The following EIF4G3 variants were observed in gnomAD, a reference collection of about 807,000 sequenced individuals.
The protein encoded by EIF4G3 is eIF-4-gamma 3.
In EIF4G3, 34 loss-of-function variants were observed where a neutral mutation model predicts 186.4. The ratio of observed to expected loss-of-function variants is 0.18; its 90% CI spans 0.14 to 0.24. EIF4G3 has a LOEUF of 0.24. Among genes scored for constraint, EIF4G3 ranks in the 10% least tolerant of loss-of-function variants. The probability of loss-of-function intolerance (pLI) is 1.00; values close to 1 mark genes in which losing one functional copy is unlikely to be tolerated. For missense variants in EIF4G3, 1,536 were observed against 1,948.5 expected (o/e 0.79, Z 3.99); for synonymous variants, 673 against 679.5 (o/e 0.99, Z 0.15).
intron 4 of EIF4G3, among the ~76,000 whole-genome samples, chr1:21,024,168 G>C (rs919541038): frequency 1.4e-5 from 1 of 70,646 alleles, no homozygotes; most frequent in Non-Finnish European, 4.2e-5. Flanking sequence ...GAGGGAGGTG[G>C]GGGGGGGTCA....
chr1:20,935,083 T>G (rs1287502846), intron 14 of EIF4G3, among the ~76,000 whole-genome samples: 2 of 152,166 alleles, frequency 1.3e-5, no homozygotes, highest in Non-Finnish European at 2.9e-5. Context: ...GCTTTCATGT[T>G]TCACTATGAA....
intron 34 of EIF4G3, among the ~76,000 whole-genome samples, chr1:20,816,131 C>T (rs2060737920): frequency 7.4e-6 from 1 of 135,850 alleles, no homozygotes. Context: ...GCCAGCCGCC[C>T]CGTCCGGGAG....
chr1:20,846,329 G>C (rs2071005611), intron 29 of EIF4G3, among the ~76,000 whole-genome samples: 1 of 152,134 alleles, frequency 6.6e-6, no homozygotes, highest in Admixed American at 6.5e-5. Context: ...AATAGGAGTG[G>C]TGAGAGAGGA....
intron 6 of EIF4G3, among the ~76,000 whole-genome samples, chr1:20,997,917 T>TA (rs71714195): frequency 0.013 from 1,787 of 138,054 alleles, 17 homozygotes; most frequent in African/African-American, 0.019. Context: ...TAGGATTATT[T>TA]AAAAAAAAAA....
At chr1:21,162,637 G>A (rs2097785887) in intron 2 of EIF4G3, among the ~76,000 whole-genome samples, 1 of 152,002 alleles carries the variant, frequency 6.6e-6, no homozygotes, top group Admixed American at 6.6e-5. Context: ...CAGCTACTCT[G>A]TAGGCTGAGG....
intron 7 of EIF4G3, among the ~76,000 whole-genome samples, chr1:20,983,950 T>C (rs897808233): frequency 5.3e-5 from 8 of 152,234 alleles, no homozygotes; most frequent in Non-Finnish European, 8.8e-5. Context: ...AATATTTTCT[T>C]ACCACTATTT....
intron 9 of EIF4G3, among the ~76,000 whole-genome samples, chr1:20,980,809 G>A (rs553480333): frequency 3.8e-4 from 58 of 152,156 alleles, no homozygotes; most frequent in Non-Finnish European, 7.5e-4. Context: ...CAAAGGGATG[G>A]GAGAAAGCAA....
chr1:20,963,679 C>G (rs996668444), intron 12 of EIF4G3, among the ~76,000 whole-genome samples: 3 of 152,074 alleles, frequency 2.0e-5, no homozygotes, highest in Non-Finnish European at 4.4e-5. Context: ...TTTGGCCGGG[C>G]ATGGTGGCTC....
At chr1:21,029,634 A>T (rs1571322304) in intron 4 of EIF4G3, among the ~76,000 whole-genome samples, 1 of 152,090 alleles carries the variant, frequency 6.6e-6, no homozygotes, top group East Asian at 2.0e-4. Flanking sequence ...TGATTTTTTT[A>T]AAACAAAGAG....
At chr1:20,999,638 C>A in intron 6 of EIF4G3, 1 of 397,570 alleles carries the variant, frequency 2.5e-6, no homozygotes, top group Non-Finnish European at 4.8e-6. Flanking sequence ...TATATAAAAA[C>A]AAAAGCGAAA....
intron 5 of EIF4G3, among the ~76,000 whole-genome samples, 183 bp from the exon 6 acceptor site, chr1:21,001,495 G>A (rs1402244768): frequency 6.6e-6 from 1 of 152,156 alleles, no homozygotes; most frequent in Admixed American, 6.5e-5. Flanking sequence ...TTAATTATTA[G>A]AACCAGGGCC....
chr1:20,844,031 C>T (rs1039431949), intron 29 of EIF4G3, among the ~76,000 whole-genome samples: 2 of 152,094 alleles, frequency 1.3e-5, no homozygotes, highest in African/African-American at 2.4e-5. Flanking sequence ...GTCTATGTAC[C>T]GCATTTTCTT....
intron 4 of EIF4G3, among the ~76,000 whole-genome samples, chr1:21,014,467 C>T (rs2088234625): frequency 6.6e-6 from 1 of 152,078 alleles, no homozygotes; most frequent in African/African-American, 2.4e-5. Flanking sequence ...TTCTCACCCT[C>T]CTCCCACCAT....
chr1:20,847,685 ACCC>A, intron 29 of EIF4G3: 1 of 412,282 alleles, frequency 2.4e-6, no homozygotes, highest in Non-Finnish European at 5.0e-6. Flanking sequence ...TTATAAGAAT[ACCC>A]CTAATTTTCC....
rs2086782376 is a variant in EIF4G3 at position 20,893,340 on chromosome 1, G to T, written c.2253+177C>A. ...CAGACTAGCTTCTGCCAAGTAAAAA[G>T]AACTCAAGTGTATTCTTTATCTGCT... On this transcript the variant is annotated intron_variant, in intron 18 of 36. Transcript: ENST00000602326. The T allele has an allele frequency of 6.7e-6, 4 of 592,692 alleles. No homozygotes were observed. The African/African-American group carries it at 7.6e-5, about 11-fold the overall frequency. 36.7% of individuals were successfully genotyped at this position (592,692 alleles called of 1,614,324 possible). A position where few individuals can be genotyped will look rare whatever the true frequency, so the allele number is the denominator to read the frequency against.
chr1:21,012,172 T>TA (rs113000469), intron 4 of EIF4G3, among the ~76,000 whole-genome samples: 16 of 151,774 alleles, frequency 1.1e-4, no homozygotes, highest in African/African-American at 2.2e-4. Flanking sequence ...GTTTTTGTCT[T>TA]AAAAAAAAAT....
Position 20,810,707 on chromosome 1 carries a change from T to C in EIF4G3, c.4744+31A>G. 3 of 1,605,668 alleles carry C rather than the reference T, an allele frequency of 1.9e-6. No homozygotes were observed. The highest frequency in any genetic ancestry group is 2.6e-6 in the Non-Finnish European group (3 of 1,172,868). ...GGCTTGGATAAATCTCACTCATTGG[T>C]TAGATTAACTGTAACATGAGATAAA... On this transcript the variant is annotated intron_variant, in intron 36 of 36. Coordinates refer to ENST00000602326, the MANE Select transcript of EIF4G3 (RefSeq NM_001391906.1). This position sits in a 1 kb window ranked among gnomAD's most constrained non-coding sequence, Gnocchi z 4.1.
intron 32 of EIF4G3, among the ~76,000 whole-genome samples, chr1:20,826,092 G>A (rs1168241515): frequency 6.6e-6 from 1 of 152,200 alleles, no homozygotes; most frequent in Non-Finnish European, 1.5e-5. Flanking sequence ...TATACTATAT[G>A]AGAATTTAGT....
chr1:21,102,401 C>G (rs1357926978), intron 2 of EIF4G3, among the ~76,000 whole-genome samples: 4 of 152,160 alleles, frequency 2.6e-5, no homozygotes, highest in Non-Finnish European at 5.9e-5. Context: ...TACCAGACTG[C>G]CAACTTCAAA....
Sources: allele counts gnomAD v4.1 joint callset (sites outside exome capture counted in the v4.1 genomes callset), GRCh38; gene constraint gnomAD v4.1.1; non-coding constraint Gnocchi (gnomAD v3.1); transcripts MANE v1.5; gene names NCBI Gene and HGNC (gene_info 2026-07-23, HGNC 2026-07-21).